Variants in ZNF121 observed in about 807,000 individuals in gnomAD.
The protein encoded by ZNF121 is zinc finger protein 121.
ZNF121 carries 1 observed loss-of-function variant against 2.4 expected under a neutral mutation model. That is an observed-to-expected ratio of 0.41 (90% CI 0.15 to 1.94). The LOEUF (loss-of-function observed/expected upper bound fraction) is 1.94, where lower values mean the gene tolerates loss of function less well. Ranked by LOEUF, ZNF121 falls within the 30% of genes most tolerant of loss-of-function variation. ZNF121 has a pLI of 0.30. For synonymous variants in ZNF121, 173 were observed against 158.6 expected (o/e 1.09, Z -0.68); for missense variants, 369 against 466.3 (o/e 0.79, Z 1.92).
At chr19:9,569,409 T>C (rs770515488) in intron 1 of ZNF121, among the ~76,000 whole-genome samples, 31 of 152,004 alleles carry the variant, frequency 2.0e-4, no homozygotes, top group Admixed American at 5.9e-4. Context: ...ATTGCACCAC[T>C]GTACTCCAAC....
rs1327294703 is a variant in ZNF121, at chr19:9,565,535, T to C, written c.*405A>G. Reference sequence around the variant, plus strand: ...AAATACAAAAATTAGCTGGGTGTGGTTGACGGCACCTGTAATCCAAGCTAC... The same window carrying C: ...AAATACAAAAATTAGCTGGGTGTGGCTGACGGCACCTGTAATCCAAGCTAC... On this transcript the variant is annotated 3_prime_UTR_variant, in exon 4 of 4. Transcript: ENST00000320451. 6.6e-6 allele frequency: 1 copy of C among 151,698 alleles called. No homozygotes were observed. Among genetic ancestry groups the C allele is most frequent in the Non-Finnish European group, 1.5e-5 (1 of 68,028 alleles). 9.4% of individuals were successfully genotyped at this position (151,698 alleles called of 1,614,324 possible). A position where few individuals can be genotyped will look rare whatever the true frequency, so the allele number is the denominator to read the frequency against.
At chr19:9,570,403 G>C (rs545861945) in intron 1 of ZNF121, among the ~76,000 whole-genome samples, 1 of 152,020 alleles carries the variant, frequency 6.6e-6, no homozygotes, top group Non-Finnish European at 1.5e-5. Context: ...CCACTCCCCC[G>C]CCCTTTGTTG....
intron 1 of ZNF121, among the ~76,000 whole-genome samples, chr19:9,576,642 A>T (rs1015833922): frequency 6.6e-6 from 1 of 152,182 alleles, no homozygotes; most frequent in Non-Finnish European, 1.5e-5. Context: ...AATAAACAAA[A>T]TTGAGAATAA....
intron 1 of ZNF121, among the ~76,000 whole-genome samples, chr19:9,571,201 A>T (rs534475970): frequency 6.6e-6 from 1 of 152,348 alleles, no homozygotes; most frequent in South Asian, 2.1e-4. Flanking sequence ...TAGAAAATGT[A>T]AACAAATGAA....
rs2074096658 is a variant in ZNF121 at position 9,560,703 on chromosome 19, G to T, written c.*5237C>A. Reference sequence around the variant, plus strand: ...GCATTGTATGTATATAATGCATTTTGTTTACCAATTCATCTGTCAATGGAC... The same window carrying T: ...GCATTGTATGTATATAATGCATTTTTTTTACCAATTCATCTGTCAATGGAC... On this transcript the variant is annotated 3_prime_UTR_variant, in exon 4 of 4. Coordinates refer to ENST00000320451, the MANE Select transcript of ZNF121 (RefSeq NM_001008727.5). 6.6e-6 allele frequency: 1 copy of T among 152,188 alleles called. No homozygotes were observed. The highest frequency in any genetic ancestry group is 2.1e-4 in the South Asian group (1 of 4,832). 9.4% of individuals were successfully genotyped at this position (152,188 alleles called of 1,614,324 possible).
chr19:9,584,146 CG>C (rs2074268702), intron 1 of ZNF121: 1 of 152,188 alleles, frequency 6.6e-6, no homozygotes, highest in Non-Finnish European at 1.5e-5. Flanking sequence ...CTGACTGGAA[CG>C]GCAGAAATCC....
In ZNF121 at chr19:9,561,923, CA is replaced by C. The variant is rs2074102969; in HGVS notation, c.*4016del. On this transcript the variant is annotated 3_prime_UTR_variant, in exon 4 of 4. Transcript: ENST00000320451. Reference sequence around the variant, plus strand: ...AAAAAAAAAAAAAGGAAAAGAAAACCACCATTTGGAAACCACTACAGCAACA... The same window carrying C: ...AAAAAAAAAAAAAGGAAAAGAAAACCCCATTTGGAAACCACTACAGCAACA... 2 of 151,746 alleles carry C rather than the reference CA, an allele frequency of 1.3e-5. No individual in the cohort carries two copies. The highest frequency in any genetic ancestry group is 2.9e-5 in the Non-Finnish European group (2 of 68,044). The allele number at this position is 151,746 out of a possible 1,614,324, so 9.4% of individuals were successfully genotyped here.
At position 9,563,355 on chromosome 19, in the gene ZNF121, A is replaced by C. The variant is rs1055625299; in HGVS notation, c.*2585T>G. On this transcript the variant is annotated 3_prime_UTR_variant, in exon 4 of 4. Coordinates refer to ENST00000320451, the MANE Select transcript of ZNF121 (RefSeq NM_001008727.5). ...TGCAGAAGAAATGCTGGAAGCTGGC[A>C]AAGATCAGTTCGTGAGGTTTAACAA... 2.0e-5 allele frequency: 3 copies of C among 152,242 alleles called. No individual in the cohort carries two copies. 9.4% of individuals were successfully genotyped at this position (152,242 alleles called of 1,614,324 possible). A position where few individuals can be genotyped will look rare whatever the true frequency, so the allele number is the denominator to read the frequency against.
chr19:9,572,402 C>T (rs2074180419), intron 1 of ZNF121, among the ~76,000 whole-genome samples: 1 of 152,164 alleles, frequency 6.6e-6, no homozygotes, highest in South Asian at 2.1e-4. Flanking sequence ...AAAGATCAGT[C>T]CCTCCCTGTC....
At chr19:9,580,942 T>A (rs2074244548) in intron 1 of ZNF121, among the ~76,000 whole-genome samples, 1 of 152,172 alleles carries the variant, frequency 6.6e-6, no homozygotes, top group Non-Finnish European at 1.5e-5. Context: ...CTAAGGCAGA[T>A]CTGAGTAATT....
In ZNF121 at chr19:9,566,177, A is replaced by G. The variant is rs773215784; in HGVS notation, c.936T>C (p.Tyr312=). 11 of 1,614,072 alleles carry G rather than the reference A, an allele frequency of 6.8e-6. No homozygotes were observed. The East Asian group carries it at 8.9e-5, about 13-fold the overall frequency. Residue 312 remains tyrosine (Y), a synonymous_variant, in exon 4 of 4, where the codon TAT becomes TAC. Coordinates refer to ENST00000320451, the MANE Select transcript of ZNF121 (RefSeq NM_001008727.5). ...AGGCTTTCCCACAGTCCTTACATTC[A>G]TAGGGCTTCTCTCCAGTATGGATTT... ...HVKIHTGEKP[Y]ECKDCGKAFA...
intron 1 of ZNF121, among the ~76,000 whole-genome samples, chr19:9,569,891 T>G (rs2074161348): frequency 6.6e-6 from 1 of 150,868 alleles, no homozygotes; most frequent in African/African-American, 2.4e-5. Flanking sequence ...ATATTGTGTC[T>G]TTTGTAGCTT....
rs2074147999 is a variant in ZNF121, at chr19:9,568,195, AAG to A, written c.-78-22_-78-21del. The A allele has an allele frequency of 7.7e-7, 1 of 1,295,256 alleles. No homozygotes were observed. Among genetic ancestry groups the A allele is most frequent in the Non-Finnish European group, 1.1e-6 (1 of 951,564 alleles). The allele number at this position is 1,295,256 out of a possible 1,614,324, so 80.2% of individuals were successfully genotyped here. A position where few individuals can be genotyped will look rare whatever the true frequency, so the allele number is the denominator to read the frequency against. On this transcript the variant is annotated intron_variant, in intron 2 of 3. Transcript: ENST00000320451. ...GCCATTCTGAAGTAAAACAGAAAAA[AAG>A]AAAAAAAAATAGGGTCTGAGAACAA...
At chr19:9,576,572 T>C (rs980984129) in intron 1 of ZNF121, among the ~76,000 whole-genome samples, 1 of 151,842 alleles carries the variant, frequency 6.6e-6, no homozygotes, top group South Asian at 2.1e-4. Context: ...CTTAAGATAC[T>C]AGAAAAGCAA....
rs1210143803 is a variant in ZNF121, at chr19:9,564,802, AAAGAG to A, written c.*1133_*1137del. On this transcript the variant is annotated 3_prime_UTR_variant, in exon 4 of 4. Coordinates refer to ENST00000320451, the MANE Select transcript of ZNF121 (RefSeq NM_001008727.5). ...ATGTTATCAAACAGCGTCGAATGCT[AAAGAG>A]AAGTTTTTCATGTAATGAAGAGTCA... The A allele has an allele frequency of 6.6e-6, 1 of 152,274 alleles. No homozygotes were observed. Among genetic ancestry groups the A allele is most frequent in the East Asian group, 1.9e-4 (1 of 5,194 alleles). 9.4% of individuals were successfully genotyped at this position (152,274 alleles called of 1,614,324 possible). A position where few individuals can be genotyped will look rare whatever the true frequency, so the allele number is the denominator to read the frequency against.
At chr19:9,582,409 T>C (rs534693641) in intron 1 of ZNF121, among the ~76,000 whole-genome samples, 2 of 152,284 alleles carry the variant, frequency 1.3e-5, no homozygotes, top group Admixed American at 6.5e-5. Flanking sequence ...TCCTGGACAA[T>C]GAATCTCAGG....
intron 1 of ZNF121, among the ~76,000 whole-genome samples, chr19:9,570,495 G>T (rs2074166247): frequency 6.6e-6 from 1 of 152,126 alleles, no homozygotes; most frequent in African/African-American, 2.4e-5. Flanking sequence ...AGCTCTGTTG[G>T]TATTCTCCTT....
rs562286913 is a variant in ZNF121 at position 9,564,702 on chromosome 19, A to C, written c.*1238T>G. On this transcript the variant is annotated 3_prime_UTR_variant, in exon 4 of 4. Coordinates refer to ENST00000320451, the MANE Select transcript of ZNF121 (RefSeq NM_001008727.5). Reference sequence around the variant, plus strand: ...GACAACAGACTTAGAATATTACATCAACTTAGTTGATCAAGCAGTGGCGAA... The same window carrying C: ...GACAACAGACTTAGAATATTACATCCACTTAGTTGATCAAGCAGTGGCGAA... 10 of 152,360 alleles carry C rather than the reference A, an allele frequency of 6.6e-5. No homozygotes were observed. In the South Asian group the frequency reaches 2.1e-3, roughly 32 times the overall value. 9.4% of individuals were successfully genotyped at this position (152,360 alleles called of 1,614,324 possible).
At chr19:9,581,256 A>T (rs2144825979) in intron 1 of ZNF121, among the ~76,000 whole-genome samples, 1 of 152,314 alleles carries the variant, frequency 6.6e-6, no homozygotes, top group Admixed American at 6.5e-5. Flanking sequence ...CCATGAGAGC[A>T]CACCTGAACA....
Sources: allele counts gnomAD v4.1 joint callset (sites outside exome capture counted in the v4.1 genomes callset), GRCh38; gene constraint gnomAD v4.1.1; transcripts MANE v1.5; gene names NCBI Gene and HGNC (gene_info 2026-07-23, HGNC 2026-07-21).